NEGR1: variants seen among roughly 807,000 people sequenced by gnomAD.
NEGR1 encodes neuronal growth regulator 1, also known as IgLON family member 4.
Under a neutral mutation model 40.9 loss-of-function variants are expected in NEGR1, and 10 were observed. The ratio of observed to expected loss-of-function variants is 0.24; its 90% confidence interval spans 0.15 to 0.42. The LOEUF is 0.42. NEGR1 is among the 10% of genes least tolerant of loss of function. The pLI is 1.00. For synonymous variants in NEGR1, 185 were observed against 166.8 expected (o/e 1.11, Z -0.84); for missense variants, 352 against 438.9 (o/e 0.80, Z 1.77).
chr1:72,009,543 G>A (rs1338976577), intron 1 of NEGR1, among the ~76,000 whole-genome samples: 2 of 151,594 alleles, frequency 1.3e-5, no homozygotes, highest in Non-Finnish European at 2.9e-5. Flanking sequence ...AATACTCTTT[G>A]GACAAAGCAG....
chr1:71,882,790 A>G (rs1033767128), intron 2 of NEGR1, among the ~76,000 whole-genome samples: 1 of 150,530 alleles, frequency 6.6e-6, no homozygotes, highest in African/African-American at 2.4e-5. Context: ...TTCTCAGTCT[A>G]TATGTGGAGG....
intron 1 of NEGR1, among the ~76,000 whole-genome samples, chr1:71,996,606 C>T (rs1048404024): frequency 4.6e-5 from 7 of 152,094 alleles, no homozygotes; most frequent in Non-Finnish European, 8.8e-5. Context: ...GAGCTCTCTT[C>T]GCTGTCAAGG....
At chr1:72,074,571 C>T (rs542721741) in intron 1 of NEGR1, among the ~76,000 whole-genome samples, 2 of 151,956 alleles carry the variant, frequency 1.3e-5, no homozygotes, top group South Asian at 2.1e-4. Flanking sequence ...ATTAAAAAAG[C>T]GTTGACTTTT....
chr1:71,636,537 C>T (rs1570134599), intron 4 of NEGR1, among the ~76,000 whole-genome samples: 1 of 151,880 alleles, frequency 6.6e-6, no homozygotes, highest in Non-Finnish European at 1.5e-5. Flanking sequence ...GAAATAGCAC[C>T]GAATCATTGC....
chr1:71,865,030 T>C (rs189166551), intron 2 of NEGR1, among the ~76,000 whole-genome samples: 1 of 152,274 alleles, frequency 6.6e-6, no homozygotes, highest in African/African-American at 2.4e-5. Flanking sequence ...GGACAGTTTC[T>C]AACAAGTTTT....
At chr1:72,111,064 A>G (rs978708950) in intron 1 of NEGR1, among the ~76,000 whole-genome samples, 3 of 136,794 alleles carry the variant, frequency 2.2e-5, no homozygotes, top group African/African-American at 8.2e-5. Flanking sequence ...TTTTAGATAT[A>G]TACATACACA....
chr1:71,652,991 T>TA (rs2101583819), intron 4 of NEGR1, among the ~76,000 whole-genome samples: 1 of 152,304 alleles, frequency 6.6e-6, no homozygotes, highest in African/African-American at 2.4e-5. Context: ...CAGACACAGG[T>TA]ATTCACTGAC....
At chr1:71,530,053 C>T (rs1647304557) in intron 6 of NEGR1, among the ~76,000 whole-genome samples, 1 of 150,988 alleles carries the variant, frequency 6.6e-6, no homozygotes, top group Non-Finnish European at 1.5e-5. Context: ...TCAGTGTGTC[C>T]AATATTTTCA....
chr1:71,743,698 G>A lies in NEGR1; in HGVS notation c.535+32474C>T, dbSNP rs1304570159. On this transcript the variant is annotated intron_variant, in intron 3 of 6. Coordinates refer to ENST00000357731, the MANE Select transcript of NEGR1 (RefSeq NM_173808.3). ...GTCAAATCTTTCCCAGGTTCTCTGTGTCAGTGTGGCTGAAGATCAGCCTGC... is the reference window on the plus strand; with the variant it reads ...GTCAAATCTTTCCCAGGTTCTCTGTATCAGTGTGGCTGAAGATCAGCCTGC... Among the ~76,000 whole-genome samples the A allele has an allele frequency of 2.0e-5, 3 of 152,124 alleles. No individual in the cohort carries two copies. In the East Asian group the frequency reaches 5.8e-4, roughly 29 times the overall value.
chr1:72,181,185 G>C (rs750524774), intron 1 of NEGR1, among the ~76,000 whole-genome samples: 1 of 152,090 alleles, frequency 6.6e-6, no homozygotes, highest in Non-Finnish European at 1.5e-5. Flanking sequence ...TTCTGAGCAG[G>C]GTTTCAGTTT....
chr1:72,014,033 T>C (rs2100407673), intron 1 of NEGR1, among the ~76,000 whole-genome samples: 1 of 149,602 alleles, frequency 6.7e-6, no homozygotes, highest in East Asian at 2.0e-4. Flanking sequence ...AATTGTAGAA[T>C]TTCAAAAGAT....
chr1:72,100,738 T>C (rs975015649), intron 1 of NEGR1: 1 of 152,232 alleles, frequency 6.6e-6, no homozygotes, highest in African/African-American at 2.4e-5. Context: ...ATGTGCCTAC[T>C]GTATACCTGT....
At chr1:71,507,317 A>G (rs915218812) in intron 6 of NEGR1, among the ~76,000 whole-genome samples, 12 of 152,234 alleles carry the variant, frequency 7.9e-5, no homozygotes, top group African/African-American at 2.9e-4. Flanking sequence ...ATAGGGGTCA[A>G]ACTAAAGATG....
chr1:71,540,508 T>TAA (rs1557560179), intron 6 of NEGR1, among the ~76,000 whole-genome samples: 3 of 151,788 alleles, frequency 2.0e-5, no homozygotes, highest in Non-Finnish European at 4.4e-5. Context: ...GAATGGCTTT[T>TAA]AGTTATTGCT....
intron 2 of NEGR1, among the ~76,000 whole-genome samples, chr1:71,856,463 G>C (rs1480798515): frequency 6.6e-6 from 1 of 151,890 alleles, no homozygotes; most frequent in Non-Finnish European, 1.5e-5. Flanking sequence ...GTTCTCTATT[G>C]TGTGTCAGAT....
At chr1:71,690,660 A>AGAGAGAGAGG (rs1653244988) in intron 4 of NEGR1, among the ~76,000 whole-genome samples, 2 of 143,084 alleles carry the variant, frequency 1.4e-5, no homozygotes, top group South Asian at 2.2e-4. Context: ...AGAGAGAGAG[A>AGAGAGAGAGG]GAGAGATTGA....
intron 2 of NEGR1, among the ~76,000 whole-genome samples, chr1:71,918,216 C>CAACAAAAAA (rs1661655078): frequency 4.0e-5 from 1 of 24,744 alleles, no homozygotes; most frequent in African/African-American, 1.7e-4. Context: ...GACTCTGTCT[C>CAACAAAAAA]AAAAAAAAAA....
At chr1:71,825,534 A>G (rs890721206) in intron 2 of NEGR1, among the ~76,000 whole-genome samples, 1 of 151,914 alleles carries the variant, frequency 6.6e-6, no homozygotes, top group African/African-American at 2.4e-5. Flanking sequence ...ATAGCATAAA[A>G]GGGCAATATA....
At chr1:71,763,766 TGTGTG>T (rs2101703190) in intron 3 of NEGR1, among the ~76,000 whole-genome samples, 1 of 151,624 alleles carries the variant, frequency 6.6e-6, no homozygotes, top group South Asian at 2.1e-4. Context: ...TGTGTGTGTG[TGTGTG>T]TCTGTGTGTG....
Sources: gnomAD v4.1 joint callset for allele counts (sites outside exome capture counted in the v4.1 genomes callset) on GRCh38, gnomAD v4.1.1 for gene constraint, MANE v1.5 for transcripts, NCBI Gene and HGNC (gene_info 2026-07-23, HGNC 2026-07-21) for gene names.